The following GLIS2 variants were observed in gnomAD, a reference collection of about 807,000 sequenced individuals.
GLIS2 encodes zinc finger protein GLIS2.
Under a neutral mutation model 35.6 loss-of-function variants are expected in GLIS2, and 14 were observed. The ratio of observed to expected loss-of-function variants is 0.39; its 90% CI spans 0.26 to 0.61. The LOEUF is 0.61. GLIS2 is among the 20% of genes least tolerant of loss of function. The probability of loss-of-function intolerance (pLI) is 0.48; values close to 1 mark genes in which losing one functional copy is unlikely to be tolerated. For missense variants in GLIS2, 675 were observed against 713.4 expected (o/e 0.95, Z 0.61); for synonymous variants, 368 against 325.1 (o/e 1.13, Z -1.42).
chr16:4,331,283 G>A (rs972466572), intron 1 of GLIS2, among the ~76,000 whole-genome samples: 1 of 152,112 alleles, frequency 6.6e-6, no homozygotes, highest in African/African-American at 2.4e-5. Context: ...CCCGGCCACA[G>A]GCGTTCTTGA....
intron 1 of GLIS2, among the ~76,000 whole-genome samples, chr16:4,331,095 G>A (rs2053492070): frequency 6.6e-6 from 1 of 152,068 alleles, no homozygotes; most frequent in South Asian, 2.1e-4. Flanking sequence ...TCCTGCCTCA[G>A]CCTCCCGAGT....
At chr16:4,322,972 C>T (rs2053393943) in intron 1 of GLIS2, among the ~76,000 whole-genome samples, 1 of 152,350 alleles carries the variant, frequency 6.6e-6, no homozygotes, top group Admixed American at 6.5e-5. Context: ...CCTGCTCTCC[C>T]CCAGAAGCCA....
At chr16:4,321,986 G>A (rs983569337) in intron 1 of GLIS2, among the ~76,000 whole-genome samples, 5 of 152,218 alleles carry the variant, frequency 3.3e-5, no homozygotes. Flanking sequence ...TGGACCCACA[G>A]CCTGTGTGCA....
chr16:4,319,817 G>A (rs1000419160), intron 1 of GLIS2, among the ~76,000 whole-genome samples: 2 of 152,186 alleles, frequency 1.3e-5, no homozygotes, highest in Non-Finnish European at 2.9e-5. Context: ...CCTGGCTCCG[G>A]CTTAGCCCCT....
At chr16:4,318,658 G>A (rs918067884) in intron 1 of GLIS2, among the ~76,000 whole-genome samples, 2 of 152,204 alleles carry the variant, frequency 1.3e-5, no homozygotes, top group Non-Finnish European at 2.9e-5. Context: ...GGCCTGGAGG[G>A]AGGCCTGGAC....
intron 1 of GLIS2, among the ~76,000 whole-genome samples, chr16:4,328,032 A>T (rs1431877862): frequency 6.6e-6 from 1 of 152,034 alleles, no homozygotes; most frequent in Non-Finnish European, 1.5e-5. Flanking sequence ...CCGGGGGGAA[A>T]CTGAGGAACG....
intron 3 of GLIS2, 152 bp downstream of exon 3, chr16:4,333,671 A>G: frequency 1.1e-6 from 1 of 898,006 alleles, no homozygotes; most frequent in Non-Finnish European, 1.6e-6. Flanking sequence ...TCTAGGGGAG[A>G]ACCTTCCCTG....
chr16:4,337,097 C>T lies in GLIS2; in HGVS notation c.1148C>T (p.Ala383Val), dbSNP rs1187823519. Residue 383 changes from alanine to valine, a missense_variant, in exon 7 of 7, where the codon GCC (alanine) becomes GTC (valine). By Grantham distance (64) the Ala-to-Val change is moderately conservative (BLOSUM62 0). Transcript: ENST00000433375. ...PLAPGPLDLSALACGNGGGSG... is the reference protein window; with the variant it reads ...PLAPGPLDLSVLACGNGGGSG... Reference sequence around the variant, plus strand: ...GCCCCCGGCCCCCTTGACCTCAGTGCCCTGGCCTGTGGCAACGGTGGGGGC... The same window carrying T: ...GCCCCCGGCCCCCTTGACCTCAGTGTCCTGGCCTGTGGCAACGGTGGGGGC... 2 of 1,536,512 alleles carry T rather than the reference C, an allele frequency of 1.3e-6. No homozygotes were observed. The highest frequency in any genetic ancestry group is 1.4e-5 in the African/African-American group (1 of 73,132).
intron 1 of GLIS2, among the ~76,000 whole-genome samples, chr16:4,319,742 G>A (rs1479161320): frequency 6.6e-6 from 1 of 152,170 alleles, no homozygotes; most frequent in African/African-American, 2.4e-5. Context: ...GGACTGGAGA[G>A]GGATCATGGT....
At chr16:4,322,001 C>T (rs1362832915) in intron 1 of GLIS2, among the ~76,000 whole-genome samples, 1 of 152,082 alleles carries the variant, frequency 6.6e-6, no homozygotes, top group Non-Finnish European at 1.5e-5. Flanking sequence ...TGTGCAGCTC[C>T]AGAAACCGAG....
At chr16:4,329,902 G>A (rs756067862) in intron 1 of GLIS2, among the ~76,000 whole-genome samples, 5 of 152,212 alleles carry the variant, frequency 3.3e-5, no homozygotes, top group Non-Finnish European at 5.9e-5. Flanking sequence ...TTGCTGCTCT[G>A]AATGTGAAGT....
chr16:4,325,028 A>T (rs2053415836), intron 1 of GLIS2, among the ~76,000 whole-genome samples: 1 of 152,304 alleles, frequency 6.6e-6, no homozygotes, highest in Non-Finnish European at 1.5e-5. Context: ...TGGCCAGAGC[A>T]GGGAGCCGCA....
Position 4,336,879 on chromosome 16 carries a change from G to T in GLIS2, c.930G>T (p.Leu310=). The change falls in exon 7 of 7, where the codon CTG becomes CTT. Residue 310 remains leucine, a synonymous_variant. Transcript: ENST00000433375. Reference sequence around the variant, plus strand: ...AGCGCTACACGGACCCCAGCTCACTGCGCAAGCACATCAAGGCCCATGGCC... The same window carrying T: ...AGCGCTACACGGACCCCAGCTCACTTCGCAAGCACATCAAGGCCCATGGCC... The part of the protein sequence containing the change: ...CHKRYTDPSS[L]RKHIKAHGHF... 1 of 1,613,356 alleles carries T rather than the reference G, an allele frequency of 6.2e-7. No homozygotes were observed. The highest frequency in any genetic ancestry group is 8.5e-7 in the Non-Finnish European group (1 of 1,180,020).
At chr16:4,318,536 A>AG (rs1333748192) in intron 1 of GLIS2, among the ~76,000 whole-genome samples, 2 of 152,228 alleles carry the variant, frequency 1.3e-5, no homozygotes. Flanking sequence ...GCAACTGGGT[A>AG]GCCACAGCGA....
Position 4,334,953 on chromosome 16 carries a change from G to A in GLIS2, c.498G>A (p.Lys166=), listed in dbSNP as rs371033228. ...TCTCGCCAGACCTGCCCCTGCCCAA[G>A]CAGCTGGTGTGTCGCTGGGCCAAGG... is the stretch of plus-strand genomic sequence containing the variant. ...KCLSPDLPLP[K]QLVCRWAKCN... Residue 166 remains lysine, a synonymous_variant, in exon 4 of 7, where the codon AAG becomes AAA. Transcript: ENST00000433375. The A allele has an allele frequency of 9.3e-6, 15 of 1,613,078 alleles. No homozygotes were observed. The African/African-American group carries it at 1.6e-4, about 17-fold the overall frequency.
At chr16:4,326,438 A>G (rs920768401) in intron 1 of GLIS2, 2 of 152,152 alleles carry the variant, frequency 1.3e-5, no homozygotes, top group Non-Finnish European at 2.9e-5. Flanking sequence ...ACCTGACCCC[A>G]TGCTGCTGGG....
intron 1 of GLIS2, among the ~76,000 whole-genome samples, chr16:4,321,196 G>A (rs1597332447): frequency 1.3e-5 from 2 of 152,276 alleles, no homozygotes; most frequent in South Asian, 2.1e-4. Flanking sequence ...AGCTGGGGGG[G>A]ATCTGGGCCC....
chr16:4,319,951 G>C (rs1170098447), intron 1 of GLIS2, among the ~76,000 whole-genome samples: 1 of 152,042 alleles, frequency 6.6e-6, no homozygotes, highest in Non-Finnish European at 1.5e-5. Flanking sequence ...CATGGAGATG[G>C]GAAGTGATTC....
chr16:4,316,934 G>A (rs1173001641), intron 1 of GLIS2, among the ~76,000 whole-genome samples: 2 of 152,200 alleles, frequency 1.3e-5, no homozygotes, highest in Non-Finnish European at 2.9e-5. Context: ...GGAGGAGGGG[G>A]CGAGGCAGGT....
Sources: gnomAD v4.1 joint callset for allele counts (sites outside exome capture counted in the v4.1 genomes callset) on GRCh38, gnomAD v4.1.1 for gene constraint, MANE v1.5 for transcripts, NCBI Gene and HGNC (gene_info 2026-07-23, HGNC 2026-07-21) for gene names.